The following ZNF385D variants were observed in gnomAD, a reference collection of about 807,000 sequenced individuals.
ZNF385D encodes the protein zinc finger protein 659.
Under a neutral mutation model 35.8 loss-of-function variants are expected in ZNF385D, and 15 were observed. That is an observed-to-expected ratio of 0.42 (90% CI 0.28 to 0.64). The LOEUF (loss-of-function observed/expected upper bound fraction) is 0.64. ZNF385D is among the 30% of genes least tolerant of loss of function. The probability of loss-of-function intolerance (pLI) is 0.23; values close to 1 mark genes in which losing one functional copy is unlikely to be tolerated. For synonymous variants in ZNF385D, 212 were observed against 186.8 expected (o/e 1.13, Z -1.10); for missense variants, 474 against 494.6 (o/e 0.96, Z 0.39).
chr3:22,024,287 T>C (rs999076388), intron 3 of ZNF385D, among the ~76,000 whole-genome samples: 1 of 152,010 alleles, frequency 6.6e-6, no homozygotes, highest in Non-Finnish European at 1.5e-5. Flanking sequence ...ATCGTGTAAG[T>C]TAATACTTAA....
chr3:21,642,381 C>CA (rs941341636), intron 2 of ZNF385D, among the ~76,000 whole-genome samples: 14 of 151,944 alleles, frequency 9.2e-5, no homozygotes, highest in Non-Finnish European at 1.6e-4. Context: ...TGGCATGAGA[C>CA]AAAAAACCTC....
At chr3:21,563,461 T>TAGTA (rs1377559152) in intron 3 of ZNF385D, 1 of 152,226 alleles carries the variant, frequency 6.6e-6, no homozygotes, top group Non-Finnish European at 1.5e-5. Flanking sequence ...ATGATTGCAT[T>TAGTA]AGTAAGTATG....
chr3:21,689,496 C>A (rs1467208923), intron 1 of ZNF385D, among the ~76,000 whole-genome samples: 1 of 152,070 alleles, frequency 6.6e-6, no homozygotes, highest in Non-Finnish European at 1.5e-5. Context: ...ACTATAAATA[C>A]AATAGTCACT....
At chr3:21,511,730 G>A (rs1707224645) in intron 3 of ZNF385D, 1 of 456,534 alleles carries the variant, frequency 2.2e-6, no homozygotes, top group Non-Finnish European at 4.4e-6. Flanking sequence ...ACCTAATGGG[G>A]CCAATCCAGT....
At chr3:22,206,382 G>A (rs1223929094) in intron 2 of ZNF385D, among the ~76,000 whole-genome samples, 1 of 151,684 alleles carries the variant, frequency 6.6e-6, no homozygotes, top group African/African-American at 2.4e-5. Flanking sequence ...CAAAACAAAG[G>A]ATCAACAAAG....
At chr3:21,956,242 T>G (rs1280527579) in intron 3 of ZNF385D, among the ~76,000 whole-genome samples, 1 of 150,802 alleles carries the variant, frequency 6.6e-6, no homozygotes, top group East Asian at 2.0e-4. Context: ...GAAAATGAAA[T>G]GAAAAAGAAA....
At chr3:22,031,824 G>C (rs947734066) in intron 3 of ZNF385D, among the ~76,000 whole-genome samples, 1 of 152,110 alleles carries the variant, frequency 6.6e-6, no homozygotes, top group African/African-American at 2.4e-5. Context: ...TTTATGTTCT[G>C]CTTCCCCTTT....
intron 2 of ZNF385D, among the ~76,000 whole-genome samples, chr3:22,277,515 G>T (rs939029434): frequency 6.6e-6 from 1 of 152,066 alleles, no homozygotes; most frequent in Non-Finnish European, 1.5e-5. Flanking sequence ...ATAATCACAT[G>T]CTGATTAATG....
At chr3:22,348,461 A>C (rs935968579) in intron 2 of ZNF385D, among the ~76,000 whole-genome samples, 3 of 146,654 alleles carry the variant, frequency 2.0e-5, no homozygotes, top group Non-Finnish European at 4.5e-5. Flanking sequence ...CAGCCTGACC[A>C]ACATGGAGAA....
chr3:21,686,988 A>G (rs912901230), intron 1 of ZNF385D, among the ~76,000 whole-genome samples: 2 of 152,164 alleles, frequency 1.3e-5, no homozygotes, highest in African/African-American at 2.4e-5. Context: ...TGTCTTGACC[A>G]GTGGAATGTG....
intron 3 of ZNF385D, among the ~76,000 whole-genome samples, chr3:22,082,248 C>A (rs1047019327): frequency 5.9e-5 from 9 of 152,110 alleles, no homozygotes; most frequent in Non-Finnish European, 1.2e-4. Flanking sequence ...CAGGGCAGGG[C>A]ATCGCCTCAC....
chr3:22,153,665 T>C (rs929937337), intron 3 of ZNF385D, among the ~76,000 whole-genome samples: 2 of 152,046 alleles, frequency 1.3e-5, no homozygotes, highest in Non-Finnish European at 2.9e-5. Flanking sequence ...CATTTCACCA[T>C]GTTGGTCAGG....
chr3:22,149,135 T>A (rs1305246954), intron 3 of ZNF385D, among the ~76,000 whole-genome samples: 1 of 152,142 alleles, frequency 6.6e-6, no homozygotes, highest in Non-Finnish European at 1.5e-5. Context: ...CGGACCTGTA[T>A]CAGAATCTGC....
Position 21,646,758 on chromosome 3 carries a change from A to G in ZNF385D, c.165+18128T>C, listed in dbSNP as rs1559486245. ...CTTTCCTTCCTTATATCATCTGGGAATGTATTAAACCTGCATTCTGGGCCT... is the reference window on the plus strand; with the variant it reads ...CTTTCCTTCCTTATATCATCTGGGAGTGTATTAAACCTGCATTCTGGGCCT... On this transcript the variant is annotated intron_variant, in intron 2 of 7. Transcript: ENST00000281523. This position sits in a 1 kb window ranked among gnomAD's most constrained non-coding sequence, Gnocchi z 4.3. Among the ~76,000 whole-genome samples, 1 of 152,150 alleles carries G rather than the reference A, an allele frequency of 6.6e-6. No individual in the cohort carries two copies. The highest frequency in any genetic ancestry group is 1.5e-5 in the Non-Finnish European group (1 of 68,034).
At chr3:21,934,958 G>A (rs1575953594) in intron 3 of ZNF385D, among the ~76,000 whole-genome samples, 1 of 152,206 alleles carries the variant, frequency 6.6e-6, no homozygotes. Context: ...GTTGATGTGA[G>A]TAAGAAGATG....
intron 2 of ZNF385D, among the ~76,000 whole-genome samples, chr3:22,259,307 T>C (rs1396264486): frequency 6.6e-6 from 1 of 151,928 alleles, no homozygotes; most frequent in African/African-American, 2.4e-5. Flanking sequence ...CAGATTCAAG[T>C]TTTCCAAAAT....
At chr3:21,794,711 T>C (rs1399390277) in intron 3 of ZNF385D, among the ~76,000 whole-genome samples, 1 of 152,124 alleles carries the variant, frequency 6.6e-6, no homozygotes, top group African/African-American at 2.4e-5. Flanking sequence ...GGCGATTACA[T>C]TTTAATAATG....
chr3:21,435,730 G>A (rs1389658637), intron 5 of ZNF385D, among the ~76,000 whole-genome samples: 6 of 152,256 alleles, frequency 3.9e-5, no homozygotes, highest in Non-Finnish European at 5.9e-5. Flanking sequence ...AATATCTTGC[G>A]TTCAAGAAGA....
At chr3:21,500,729 A>G (rs996146753) in intron 4 of ZNF385D, among the ~76,000 whole-genome samples, 1 of 152,204 alleles carries the variant, frequency 6.6e-6, no homozygotes, top group African/African-American at 2.4e-5. Flanking sequence ...ATGATAGGCA[A>G]GGGTTAGATC....
Sources: allele counts gnomAD v4.1 joint callset (sites outside exome capture counted in the v4.1 genomes callset), GRCh38; gene constraint gnomAD v4.1.1; non-coding constraint Gnocchi (gnomAD v3.1); transcripts MANE v1.5; gene names NCBI Gene and HGNC (gene_info 2026-07-23, HGNC 2026-07-21).